Variants in PDXDC1 observed in about 807,000 individuals in gnomAD.
PDXDC1 encodes the protein pyridoxal-dependent decarboxylase domain-containing protein 1.
PDXDC1 carries 42 observed loss-of-function variants against 100.1 expected under a neutral mutation model. The observed-to-expected ratio is 0.42, with a 90% confidence interval of 0.33 to 0.54. The LOEUF is 0.54. PDXDC1 is among the 20% of genes least tolerant of loss of function. The pLI is 0.10. For synonymous variants in PDXDC1, 260 were observed against 371.7 expected (o/e 0.70, Z 3.46); for missense variants, 636 against 979.2 (o/e 0.65, Z 4.68).
At chr16:15,079,132 C>G (rs1299243773) in intron 16 of PDXDC1, among the ~76,000 whole-genome samples, 1 of 151,338 alleles carries the variant, frequency 6.6e-6, no homozygotes, top group East Asian at 1.9e-4. Flanking sequence ...TTCTAACTAC[C>G]ATTAATGGCA....
At chr16:15,033,149 C>T in intron 18 of PDXDC1, 129 bp from the exon 19 acceptor site, 4 of 1,143,878 alleles carry the variant, frequency 3.5e-6, no homozygotes, top group East Asian at 2.4e-5. Flanking sequence ...AGGCCTTTCT[C>T]TCCGCCCTTA....
intron 16 of PDXDC1, among the ~76,000 whole-genome samples, chr16:15,102,111 G>T (rs1051576294): frequency 6.6e-6 from 1 of 152,128 alleles, no homozygotes. Context: ...CTCTCAAAGT[G>T]TTGGGATTAC....
At chr16:15,032,347 T>C (rs899717974) in intron 17 of PDXDC1, 10 of 179,312 alleles carry the variant, frequency 5.6e-5, no homozygotes, top group Non-Finnish European at 8.3e-5. Flanking sequence ...AGACCTTGTA[T>C]GGAACTAAAG....
chr16:15,062,135 C>T (rs552387427), intron 16 of PDXDC1, among the ~76,000 whole-genome samples: 6 of 152,170 alleles, frequency 3.9e-5, no homozygotes, highest in African/African-American at 1.2e-4. Flanking sequence ...GGCAACATAG[C>T]GAGACCATGT....
intron 13 of PDXDC1, among the ~76,000 whole-genome samples, chr16:15,023,732 T>G (rs1339823568): frequency 2.6e-5 from 4 of 152,290 alleles, no homozygotes; most frequent in African/African-American, 9.6e-5. Context: ...CTGGAGCCAG[T>G]TGACCCGAGT....
At chr16:14,981,504 C>CT (rs1967978589) in intron 1 of PDXDC1, among the ~76,000 whole-genome samples, 1 of 152,282 alleles carries the variant, frequency 6.6e-6, no homozygotes, top group Non-Finnish European at 1.5e-5. Flanking sequence ...CTTTTTGTTC[C>CT]AGAATAAAGG....
chr16:15,034,204 T>C (rs1046600167), intron 19 of PDXDC1, 82 bp from the exon 20 acceptor site: 6 of 1,173,574 alleles, frequency 5.1e-6, no homozygotes, highest in Non-Finnish European at 5.0e-6. Flanking sequence ...TTTGAAAAAT[T>C]CCCTCAGTGC....
At chr16:15,078,873 G>A (rs1378081574) in intron 16 of PDXDC1, among the ~76,000 whole-genome samples, 5 of 147,826 alleles carry the variant, frequency 3.4e-5, no homozygotes, top group African/African-American at 7.5e-5. Flanking sequence ...GCGGAGTGGC[G>A]CAATCTCGGC....
intron 1 of PDXDC1, among the ~76,000 whole-genome samples, chr16:14,980,827 T>C (rs1217691660): frequency 1.3e-5 from 2 of 152,280 alleles, no homozygotes; most frequent in Non-Finnish European, 2.9e-5. Flanking sequence ...CTCCAACTCC[T>C]GACCTCAAGT....
intron 16 of PDXDC1, chr16:15,060,288 T>A: frequency 3.5e-6 from 1 of 282,574 alleles, no homozygotes; most frequent in South Asian, 3.0e-5. Flanking sequence ...AAGACAACCT[T>A]AAAGTTCTCA....
intron 8 of PDXDC1, among the ~76,000 whole-genome samples, chr16:15,015,598 T>G (rs2041728341): frequency 6.6e-6 from 1 of 152,204 alleles, no homozygotes; most frequent in Non-Finnish European, 1.5e-5. Flanking sequence ...CCGCCTGTAA[T>G]CCCACCTACT....
Position 15,031,842 on chromosome 16 carries a change from G to A in PDXDC1, c.1507G>A (p.Val503Met), listed in dbSNP as rs2043085199. Reference sequence around the variant, plus strand: ...GTTGCGTGAAGAGTTCAAGCAGGAAGTGGAAGCAACAGCAGGTCTCCTATA... The same window carrying A: ...GTTGCGTGAAGAGTTCAAGCAGGAAATGGAAGCAACAGCAGGTCTCCTATA... ...LQLREEFKQE[V>M]EATAGLLYVD... The change falls in exon 17 of 23, where the codon GTG becomes ATG. Residue 503 changes from valine to methionine, a missense_variant. Val to Met is a conservative substitution (Grantham distance 21). This residue lies in a region of PDXDC1 where 452 missense variants were observed against 402.9 expected (regional missense o/e 1.12). Coordinates refer to ENST00000396410, the MANE Select transcript of PDXDC1 (RefSeq NM_015027.4). 7 of 1,614,006 alleles carry A rather than the reference G, an allele frequency of 4.3e-6. No homozygotes were observed. Among genetic ancestry groups the A allele is most frequent in the Non-Finnish European group, 5.9e-6 (7 of 1,179,990 alleles).
intron 16 of PDXDC1, chr16:15,060,155 A>G: frequency 2.4e-6 from 1 of 418,912 alleles, no homozygotes; most frequent in South Asian, 1.8e-5. Flanking sequence ...TTATATGTAA[A>G]TGTCTTTCTA....
At chr16:14,993,970 G>A (rs576453575) in intron 1 of PDXDC1, among the ~76,000 whole-genome samples, 46 of 152,382 alleles carry the variant, frequency 3.0e-4, no homozygotes, top group South Asian at 8.3e-4. Context: ...CATATCCTTC[G>A]CCCACTTTTT....
chr16:15,057,370 G>T (rs2044563528), intron 16 of PDXDC1, among the ~76,000 whole-genome samples: 2 of 152,216 alleles, frequency 1.3e-5, no homozygotes, highest in South Asian at 4.1e-4. Context: ...CACCTCATTT[G>T]TCATTTGTCC....
Position 14,975,103 on chromosome 16 carries a change from C to T in PDXDC1, c.-97C>T, listed in dbSNP as rs1338686545. ...TTCTCCGCCCCGCCGGCCGCGGGCG[C>T]GGGGGACGTCAGCGCTGCCAGCGTG... On this transcript the variant is annotated 5_prime_UTR_variant, in exon 1 of 23. Transcript: ENST00000396410. The T allele has an allele frequency of 5.5e-6, 8 of 1,467,238 alleles. No homozygotes were observed. The highest frequency in any genetic ancestry group is 5.1e-5 in the East Asian group (2 of 38,882). The allele number at this position is 1,467,238 out of a possible 1,614,324, so 90.9% of individuals were successfully genotyped here. A position where few individuals can be genotyped will look rare whatever the true frequency, so the allele number is the denominator to read the frequency against.
chr16:15,149,316 T>C, the PDXDC1 span, among the ~76,000 whole-genome samples: 1 of 152,174 alleles, frequency 6.6e-6, no homozygotes, highest in East Asian at 1.9e-4. Context: ...TCTGCGTGTT[T>C]GTTGAACGCG....
chr16:15,110,032 T>C (rs1366884975), intron 16 of PDXDC1, among the ~76,000 whole-genome samples: 2 of 147,574 alleles, frequency 1.4e-5, no homozygotes, highest in Admixed American at 6.8e-5. Context: ...TGGGCACCTG[T>C]AATCCCAGCT....
downstream of PDXDC1, among the ~76,000 whole-genome samples, chr16:15,144,003 C>T (rs1359711089): frequency 1.3e-5 from 2 of 152,308 alleles, no homozygotes; most frequent in South Asian, 4.1e-4. Flanking sequence ...GGGCCACCTG[C>T]GGAGCTTATG....
Sources: gnomAD v4.1 joint callset for allele counts (sites outside exome capture counted in the v4.1 genomes callset) on GRCh38, gnomAD v4.1.1 for gene constraint, gnomAD v4.1.1 regional missense constraint, MANE v1.5 for transcripts, NCBI Gene and HGNC (gene_info 2026-07-23, HGNC 2026-07-21) for gene names.